Variants in PTPRD observed in about 807,000 individuals in gnomAD.
PTPRD encodes the protein receptor-type tyrosine-protein phosphatase delta.
In PTPRD, 34 loss-of-function variants were observed where a neutral mutation model predicts 214.5. The observed-to-expected ratio is 0.16, with a 90% confidence interval of 0.12 to 0.21. The LOEUF (loss-of-function observed/expected upper bound fraction) is 0.21, where lower values mean the gene tolerates loss of function less well. PTPRD is among the 10% of genes least tolerant of loss of function. PTPRD has a pLI of 1.00. For missense variants in PTPRD, 2,545 were observed against 2,398.7 expected, an observed-to-expected ratio of 1.06 and a Z score of -1.27; for synonymous variants, 1,128 against 845.7, an observed-to-expected ratio of 1.33 and a Z score of -5.79.
At chr9:8,701,706 C>T (rs187990260) in intron 12 of PTPRD, among the ~76,000 whole-genome samples, 48 of 152,218 alleles carry the variant, frequency 3.2e-4, no homozygotes, top group African/African-American at 1.1e-3. Context: ...CCTTTGTCAC[C>T]CTTGGATGCC....
intron 9 of PTPRD, among the ~76,000 whole-genome samples, chr9:9,333,504 T>TTATATATATA (rs3048057): frequency 1.4e-3 from 190 of 137,220 alleles, no homozygotes; most frequent in Middle Eastern, 7.4e-3. Flanking sequence ...ATATAGTATA[T>TTATATATATA]TATATATATA....
intron 4 of PTPRD, among the ~76,000 whole-genome samples, chr9:9,964,057 C>CAGGCAGAGACTGAGGCAGAGACGG (rs1816143847): frequency 6.8e-6 from 1 of 147,938 alleles, no homozygotes; most frequent in South Asian, 2.2e-4. Context: ...GAGGCAGAGG[C>CAGGCAGAGACTGAGGCAGAGACGG]AGGCAGAGAC....
chr9:10,231,989 A>T (rs1322139), intron 3 of PTPRD, among the ~76,000 whole-genome samples: 46,902 of 91,760 alleles, frequency 0.51, 12,028 homozygotes, highest in Middle Eastern at 0.6. Flanking sequence ...AGAGAGAGAG[A>T]GTGTGTGTGT....
chr9:9,384,398 A>C (rs1235297464), intron 9 of PTPRD, among the ~76,000 whole-genome samples: 2 of 117,664 alleles, frequency 1.7e-5, no homozygotes, highest in Admixed American at 1.1e-4. Context: ...GTGGGTCAAC[A>C]ACCCTATCCA....
chr9:8,410,773 T>G (rs531976396), intron 35 of PTPRD, among the ~76,000 whole-genome samples: 1 of 152,198 alleles, frequency 6.6e-6, no homozygotes, highest in Admixed American at 6.5e-5. Context: ...ATGGTTGCAT[T>G]TGAAATTTTG....
At chr9:8,664,630 A>G (rs1005038582) in intron 12 of PTPRD, among the ~76,000 whole-genome samples, 8 of 152,210 alleles carry the variant, frequency 5.3e-5, no homozygotes, top group Non-Finnish European at 1.0e-4. Flanking sequence ...ACTTCCAGAT[A>G]GCTCTGGTGT....
At chr9:9,286,665 T>C (rs1013332845) in intron 9 of PTPRD, among the ~76,000 whole-genome samples, 2 of 151,266 alleles carry the variant, frequency 1.3e-5, no homozygotes, top group Admixed American at 1.3e-4. Flanking sequence ...TTCCCTTTTT[T>C]GCAATCCATT....
intron 14 of PTPRD, among the ~76,000 whole-genome samples, chr9:8,571,006 C>A (rs1038780251): frequency 6.6e-6 from 1 of 151,914 alleles, no homozygotes; most frequent in Non-Finnish European, 1.5e-5. Context: ...TTTCCACAGG[C>A]TAACACATAA....
chr9:9,554,434 G>C (rs1410565648), intron 8 of PTPRD, among the ~76,000 whole-genome samples: 2 of 150,780 alleles, frequency 1.3e-5, no homozygotes, highest in Non-Finnish European at 3.0e-5. Flanking sequence ...TCCTACTCTT[G>C]TTTTTAGGTT....
At chr9:8,797,488 T>C (rs898271543) in intron 11 of PTPRD, among the ~76,000 whole-genome samples, 1 of 152,184 alleles carries the variant, frequency 6.6e-6, no homozygotes, top group African/African-American at 2.4e-5. Flanking sequence ...ATGATGCAGT[T>C]AGGAAAAGTT....
chr9:9,214,549 T>C (rs2099950906), intron 9 of PTPRD, among the ~76,000 whole-genome samples: 3 of 151,924 alleles, frequency 2.0e-5, no homozygotes, highest in Non-Finnish European at 2.9e-5. Flanking sequence ...ATCAAACTTA[T>C]TAGAGCTTCT....
At chr9:9,085,199 A>G (rs2154426783) in intron 10 of PTPRD, among the ~76,000 whole-genome samples, 1 of 152,316 alleles carries the variant, frequency 6.6e-6, no homozygotes, top group South Asian at 2.1e-4. Context: ...GCATTGTGAT[A>G]AAAAGATCAA....
At chr9:9,038,365 T>A (rs1246586206) in intron 10 of PTPRD, among the ~76,000 whole-genome samples, 1 of 151,966 alleles carries the variant, frequency 6.6e-6, no homozygotes, top group Non-Finnish European at 1.5e-5. Flanking sequence ...TTTACTTTCT[T>A]CAGCAAAATT....
chr9:10,540,581 C>T (rs973675011), intron 2 of PTPRD, among the ~76,000 whole-genome samples: 4 of 152,112 alleles, frequency 2.6e-5, no homozygotes, highest in African/African-American at 9.7e-5. Context: ...TTCTTTTCAT[C>T]CATTCCTACA....
chr9:9,351,475 C>T (rs985166397), intron 9 of PTPRD, among the ~76,000 whole-genome samples: 7 of 151,908 alleles, frequency 4.6e-5, no homozygotes, highest in African/African-American at 9.7e-5. Context: ...TTCTACAAAA[C>T]GCAAAGGACA....
At chr9:9,437,483 C>A (rs759897134) in intron 8 of PTPRD, among the ~76,000 whole-genome samples, 1 of 151,948 alleles carries the variant, frequency 6.6e-6, no homozygotes, top group East Asian at 1.9e-4. Flanking sequence ...GAGACTGTTG[C>A]GATTTTTAAT....
chr9:9,543,852 G>A (rs79706752), intron 8 of PTPRD, among the ~76,000 whole-genome samples: 2,459 of 151,666 alleles, frequency 0.016, 53 homozygotes, highest in African/African-American at 0.056. Flanking sequence ...AAAACAATAC[G>A]TGCTTAACTA....
chr9:10,195,879 T>C (rs75714833), intron 3 of PTPRD, among the ~76,000 whole-genome samples: 1 of 152,134 alleles, frequency 6.6e-6, no homozygotes, highest in Non-Finnish European at 1.5e-5. Flanking sequence ...AACACTATGT[T>C]AAGTAAAAGT....
chr9:9,805,746 A>T (rs1449839483), intron 5 of PTPRD, among the ~76,000 whole-genome samples: 2 of 152,168 alleles, frequency 1.3e-5, no homozygotes, highest in African/African-American at 4.8e-5. Flanking sequence ...TTCTCAAAGG[A>T]AGAATGACCT....
Sources: allele counts gnomAD v4.1 joint callset (sites outside exome capture counted in the v4.1 genomes callset), GRCh38; gene constraint gnomAD v4.1.1; transcripts MANE v1.5; gene names NCBI Gene and HGNC (gene_info 2026-07-23, HGNC 2026-07-21).